Variants in IL1RL1 observed in about 807,000 individuals in gnomAD.
The protein encoded by IL1RL1 is interleukin-1 receptor-like 1.
IL1RL1 carries 32 observed loss-of-function variants against 50.9 expected under a neutral mutation model. That is an observed-to-expected ratio of 0.63 (90% CI 0.47 to 0.84). The LOEUF is 0.84. Ranked by LOEUF, IL1RL1 falls within the 40% of genes least tolerant of loss-of-function variation. The pLI, the probability that IL1RL1 is intolerant of heterozygous loss-of-function variation, is 0.00. For synonymous variants in IL1RL1, 275 were observed against 236.0 expected, an observed-to-expected ratio of 1.17 and a Z score of -1.51; for missense variants, 773 against 662.9, an observed-to-expected ratio of 1.17 and a Z score of -1.82.
chr2:102,315,849 A>T (rs1023175984), intron 1 of IL1RL1, among the ~76,000 whole-genome samples: 9 of 152,214 alleles, frequency 5.9e-5, no homozygotes, highest in Admixed American at 5.2e-4. Flanking sequence ...AAACTAACAC[A>T]TTCCTCAATC....
intron 8 of IL1RL1, among the ~76,000 whole-genome samples, chr2:102,346,587 C>T (rs1677792184): frequency 6.6e-6 from 1 of 152,214 alleles, no homozygotes; most frequent in East Asian, 1.9e-4. Context: ...AGGAAGTACA[C>T]ATTCCTCTGT....
intron 1 of IL1RL1, among the ~76,000 whole-genome samples, chr2:102,330,771 A>T (rs1677156986): frequency 6.6e-6 from 1 of 152,202 alleles, no homozygotes; most frequent in African/African-American, 2.4e-5. Flanking sequence ...AATTCTAATG[A>T]TGTCTTTGAA....
intron 1 of IL1RL1, among the ~76,000 whole-genome samples, chr2:102,325,636 C>T (rs1223085223): frequency 4.6e-5 from 7 of 152,236 alleles, no homozygotes; most frequent in East Asian, 3.9e-4. Flanking sequence ...ACTAGAATAA[C>T]CAATGCAGAG....
chr2:102,331,283 G>T (rs948089988), intron 1 of IL1RL1, among the ~76,000 whole-genome samples: 2 of 152,240 alleles, frequency 1.3e-5, no homozygotes, highest in Admixed American at 1.3e-4. Flanking sequence ...AGATTCTGCT[G>T]CTGGGAGAAT....
At chr2:102,327,720 T>G (rs147878849) in intron 1 of IL1RL1, among the ~76,000 whole-genome samples, 1 of 152,206 alleles carries the variant, frequency 6.6e-6, no homozygotes, top group East Asian at 1.9e-4. Context: ...GAGAATACTA[T>G]AAACACCTCT....
intron 1 of IL1RL1, among the ~76,000 whole-genome samples, chr2:102,327,789 C>T (rs1244937301): frequency 6.6e-6 from 1 of 152,152 alleles, no homozygotes; most frequent in African/African-American, 2.4e-5. Context: ...CATACACTCT[C>T]CCAAGACTAA....
At position 102,347,869 on chromosome 2, in the gene IL1RL1, G is replaced by C. The variant is rs1282385340; in HGVS notation, c.971-76G>C. On this transcript the variant is annotated intron_variant, in intron 8 of 10. Transcript: ENST00000233954. ...ATGTGAAATTCTTGTACTCCCAAGG[G>C]AAGCCAACATCCATGTATCAGTTTA... 7 of 849,018 alleles carry C rather than the reference G, an allele frequency of 8.2e-6. No homozygotes were observed. In the African/African-American group the frequency reaches 1.2e-4, roughly 14 times the overall value. The allele number at this position is 849,018 out of a possible 1,614,324, so 52.6% of individuals were successfully genotyped here.
intron 3 of IL1RL1, among the ~76,000 whole-genome samples, 184 bp from the exon 4 acceptor site, chr2:102,339,914 G>T (rs1016740793): frequency 1.3e-5 from 2 of 152,066 alleles, no homozygotes; most frequent in Non-Finnish European, 2.9e-5. Flanking sequence ...TATGTTTTTA[G>T]CTCAAGTGTA....
intron 10 of IL1RL1, among the ~76,000 whole-genome samples, chr2:102,350,507 A>C (rs1244023124): frequency 1.3e-5 from 2 of 152,252 alleles, no homozygotes. Context: ...CAACAACACC[A>C]AACTTCACTC....
In IL1RL1 at chr2:102,324,638, G is replaced by A. The variant is rs190194791; in HGVS notation, c.-150+13015G>A. Among the ~76,000 whole-genome samples the A allele has an allele frequency of 4.2e-3, 644 of 152,284 alleles. 6 individuals are homozygous for A. The highest frequency in any genetic ancestry group is 0.014 in the African/African-American group (585 of 41,556). ...GGTGACAGATGGCACCTGGAAAATC[G>A]GGTCACTCCCACCCTAATACTGTGC... is the stretch of plus-strand genomic sequence containing the variant. On this transcript the variant is annotated intron_variant, in intron 1 of 10. Transcript: ENST00000233954.
At position 102,340,766 on chromosome 2, in the gene IL1RL1, T is replaced by G. The variant is rs1301841644; in HGVS notation, c.548T>G (p.Phe183Cys). 6.3e-7 allele frequency: 1 copy of G among 1,591,966 alleles called. No homozygotes were observed. The highest frequency in any genetic ancestry group is 8.5e-7 in the Non-Finnish European group (1 of 1,173,694). The change falls in exon 5 of 11, where the codon TTT becomes TGT. Residue 183 changes from phenylalanine (F) to cysteine (C), a missense_variant. Phe to Cys is a radical substitution (Grantham distance 205, BLOSUM62 -2). Coordinates refer to ENST00000233954, the MANE Select transcript of IL1RL1 (RefSeq NM_016232.5). ...GACGCAGGTGATTACACCTGTAAAT[T>G]TATACACAATGAAAATGGAGCCAAT... The part of the protein sequence containing the change: ...TEDAGDYTCK[F>C]IHNENGANYS...
chr2:102,329,940 A>G (rs956670500), intron 1 of IL1RL1, among the ~76,000 whole-genome samples: 4 of 152,264 alleles, frequency 2.6e-5, no homozygotes, highest in Non-Finnish European at 5.9e-5. Context: ...GCGATTCCTC[A>G]GGGATCTAGA....
intron 1 of IL1RL1, among the ~76,000 whole-genome samples, chr2:102,327,899 G>T (rs1331646068): frequency 2.0e-5 from 3 of 152,156 alleles, no homozygotes; most frequent in Non-Finnish European, 4.4e-5. Flanking sequence ...GGACCAGATG[G>T]ATTCACAGCC....
rs529449500 is a variant in IL1RL1 at position 102,332,228 on chromosome 2, C to T, written c.-149-5888C>T. On this transcript the variant is annotated intron_variant, in intron 1 of 10. Coordinates refer to ENST00000233954, the MANE Select transcript of IL1RL1 (RefSeq NM_016232.5). ...AAAACAGAAAATAATAAACATGATG[C>T]ATAAGTAGAATGTTAGAAGTGATGA... Among the ~76,000 whole-genome samples, 11 of 152,172 alleles carry T rather than the reference C, an allele frequency of 7.2e-5. No individual in the cohort carries two copies. The South Asian group carries it at 1.7e-3, about 23-fold the overall frequency.
At chr2:102,323,247 T>TTTTATA (rs1559596346) in intron 1 of IL1RL1, among the ~76,000 whole-genome samples, 1 of 98,718 alleles carries the variant, frequency 1.0e-5, no homozygotes, top group Non-Finnish European at 2.2e-5. Flanking sequence ...TTGTTAGGTT[T>TTTTATA]TATATATATA....
chr2:102,344,398 C>G (rs184750440), intron 8 of IL1RL1: 1 of 953,620 alleles, frequency 1.0e-6, no homozygotes, highest in African/African-American at 1.8e-5. Context: ...ATGGAACACA[C>G]GGGAAGTCTG....
Position 102,311,939 on chromosome 2 carries a change from TAATA to T in IL1RL1, c.-150+317_-150+320del, listed in dbSNP as rs1559592030. Reference sequence around the variant, plus strand: ...TTTATTATATAATATATATTATATATAATATTATATATAATATATATTATATATA... The same window carrying T: ...TTTATTATATAATATATATTATATATTTATATATAATATATATTATATATA... On this transcript the variant is annotated intron_variant, in intron 1 of 10. Coordinates refer to ENST00000233954, the MANE Select transcript of IL1RL1 (RefSeq NM_016232.5). 7.7e-5 allele frequency among the ~76,000 whole-genome samples: 3 copies of T among 39,058 alleles called. No homozygotes were observed. In the East Asian group the frequency reaches 3.3e-3, roughly 42 times the overall value. 25.6% of individuals were successfully genotyped at this position (39,058 alleles called of 152,430 possible). A position where few individuals can be genotyped will look rare whatever the true frequency, so the allele number is the denominator to read the frequency against.
chr2:102,320,790 G>A (rs935446283), intron 1 of IL1RL1, among the ~76,000 whole-genome samples: 1 of 151,966 alleles, frequency 6.6e-6, no homozygotes, highest in Non-Finnish European at 1.5e-5. Flanking sequence ...GCACTTCCCC[G>A]CCCTGGTCAT....
intron 8 of IL1RL1, chr2:102,344,025 A>G (rs13001714): frequency 0.38 from 178,205 of 472,378 alleles, 34,310 homozygotes; most frequent in Middle Eastern, 0.49. Context: ...ATTGGCTCAC[A>G]GTTCTGCAGG....
Sources: allele counts gnomAD v4.1 joint callset (sites outside exome capture counted in the v4.1 genomes callset), GRCh38; gene constraint gnomAD v4.1.1; transcripts MANE v1.5; gene names NCBI Gene and HGNC (gene_info 2026-07-23, HGNC 2026-07-21).